ABR: variants seen among roughly 807,000 people sequenced by gnomAD.
ABR encodes ABR activator of RhoGEF and GTPase.
A neutral mutation model predicts 107.2 loss-of-function variants in ABR; 35 were observed. That is an observed-to-expected ratio of 0.33 (90% CI 0.25 to 0.43). The LOEUF is 0.43. ABR is among the 20% of genes least tolerant of loss of function. The pLI is 1.00. For synonymous variants in ABR, 498 were observed against 462.0 expected, an observed-to-expected ratio of 1.08 and a Z score of -1.00; for missense variants, 815 against 1,115.2, an observed-to-expected ratio of 0.73 and a Z score of 3.83.
upstream of ABR, among the ~76,000 whole-genome samples, chr17:1,187,736 A>G (rs1395703314): frequency 6.6e-6 from 1 of 151,588 alleles, no homozygotes; most frequent in Non-Finnish European, 1.5e-5. Flanking sequence ...CTTTAAAAAA[A>G]TACAAAAAGT....
In ABR at chr17:1,192,542, C is replaced by T. The variant is rs530540831; in HGVS notation, c.838+36251G>A. Among the ~76,000 whole-genome samples the T allele has an allele frequency of 4.8e-4, 73 of 151,802 alleles. No individual in the cohort carries two copies. In the South Asian group the frequency reaches 0.015, roughly 31 times the overall value. On this transcript the variant is annotated intron_variant, in intron 1 of 22. Coordinates refer to the ABR transcript ENST00000574139. ...CTGTAATCCCAGCATTCTGGGAGGC[C>T]GAGGTGGGCGGATCACCTGAGGCCA...
chr17:1,047,382 G>A (rs901540683), intron 16 of ABR, among the ~76,000 whole-genome samples: 1 of 152,232 alleles, frequency 6.6e-6, no homozygotes, highest in African/African-American at 2.4e-5. Context: ...AGCTCCGTGT[G>A]GACTCGTCAC....
chr17:1,194,882 A>AC (rs1233257024), intron 1 of ABR, among the ~76,000 whole-genome samples: 2,009 of 89,272 alleles, frequency 0.023, 34 homozygotes, highest in East Asian at 0.046. Flanking sequence ...CGAACTCCTG[A>AC]CTCAGGTGAT....
intron 10 of ABR, among the ~76,000 whole-genome samples, chr17:1,066,151 T>G (rs2034716166): frequency 1.3e-5 from 2 of 152,172 alleles, no homozygotes; most frequent in African/African-American, 4.8e-5. Context: ...AGTTCTGGGA[T>G]TAAAGGTGTG....
At chr17:1,149,513 G>A (rs1398358004) in intron 1 of ABR, among the ~76,000 whole-genome samples, 40 of 151,758 alleles carry the variant, frequency 2.6e-4, no homozygotes, top group Admixed American at 2.6e-3. Context: ...CACCTCCCGG[G>A]TTCAAGAGAT....
At chr17:1,015,290 A>G (rs1286849265) in intron 16 of ABR, among the ~76,000 whole-genome samples, 1 of 151,518 alleles carries the variant, frequency 6.6e-6, no homozygotes, top group Non-Finnish European at 1.5e-5. Flanking sequence ...GGTGGCGGGC[A>G]CTGTAGTCCA....
upstream of ABR, among the ~76,000 whole-genome samples, chr17:1,187,766 T>C (rs539835921): frequency 6.6e-6 from 1 of 151,292 alleles, no homozygotes; most frequent in African/African-American, 2.4e-5. Flanking sequence ...TGGTGGTGGG[T>C]GCCTGTAATC....
chr17:1,089,983 C>T (rs531933905), intron 4 of ABR, among the ~76,000 whole-genome samples: 24 of 152,268 alleles, frequency 1.6e-4, no homozygotes, highest in South Asian at 6.2e-4. Flanking sequence ...AAATGCAGTC[C>T]GTCCTCCTGG....
chr17:1,058,039 G>T lies in ABR; in HGVS notation c.1312C>A (p.Leu438Met). Reference protein sequence around the residue: ...RIHNRNGKSYLFLLSSDYERS... With the variant: ...RIHNRNGKSYMFLLSSDYERS... The stretch of plus-strand genomic sequence containing the variant: ...TCGTAGTCCGAGGACAGTAGGAACA[G>T]GTAACTCTGAAGAGAGGAGATAAGC... The change falls in exon 12 of 23, where the codon CTG (leucine) becomes ATG (methionine). Residue 438 changes from leucine (L) to methionine (M), a missense_variant. This residue lies in a region of ABR where 385 missense variants were observed against 596.9 expected (regional missense o/e 0.64). Transcript: ENST00000302538. 1 of 1,612,270 alleles carries T rather than the reference G, an allele frequency of 6.2e-7. No individual in the cohort carries two copies. Among genetic ancestry groups the T allele is most frequent in the South Asian group, 1.1e-5 (1 of 91,056 alleles).
chr17:1,044,745 C>T (rs926046205), intron 16 of ABR, among the ~76,000 whole-genome samples: 4 of 152,124 alleles, frequency 2.6e-5, no homozygotes, highest in Non-Finnish European at 5.9e-5. Context: ...TCCCCGCCAC[C>T]CCTGCTGAGG....
Position 1,004,771 on chromosome 17 carries a change from T to G in ABR, c.*1309A>C. On this transcript the variant is annotated 3_prime_UTR_variant, in exon 23 of 23. Coordinates refer to ENST00000302538, the MANE Select transcript of ABR (RefSeq NM_021962.5). Reference sequence around the variant, plus strand: ...GATTCCCCACTCTCCCCACAACTTCTGGAGTTCCCAGTGTTTACCCAAAAG... The same window carrying G: ...GATTCCCCACTCTCCCCACAACTTCGGGAGTTCCCAGTGTTTACCCAAAAG... The G allele has an allele frequency of 2.9e-6, 1 of 342,512 alleles. No homozygotes were observed. Among genetic ancestry groups the G allele is most frequent in the Non-Finnish European group, 5.3e-6 (1 of 190,250 alleles). 21.2% of individuals were successfully genotyped at this position (342,512 alleles called of 1,614,324 possible).
At chr17:1,175,365 T>C (rs2041883317) in intron 1 of ABR, among the ~76,000 whole-genome samples, 1 of 151,974 alleles carries the variant, frequency 6.6e-6, no homozygotes, top group Non-Finnish European at 1.5e-5. Flanking sequence ...TGAGCCGAGA[T>C]CGCACCGCCG....
intron 2 of ABR, among the ~76,000 whole-genome samples, chr17:1,123,049 G>C (rs1567795310): frequency 6.6e-6 from 1 of 152,192 alleles, no homozygotes; most frequent in African/African-American, 2.4e-5. Context: ...TATTAATAGT[G>C]TTTTTAACCA....
chr17:1,180,998 G>A (rs150430772), upstream of ABR, among the ~76,000 whole-genome samples: 1,930 of 152,258 alleles, frequency 0.013, 40 homozygotes, highest in African/African-American at 0.043. Flanking sequence ...CAGGGGGCCC[G>A]GTACCCCAGA....
intron 16 of ABR, among the ~76,000 whole-genome samples, chr17:1,014,409 C>T (rs2070965045): frequency 6.7e-6 from 1 of 148,748 alleles, no homozygotes; most frequent in Admixed American, 6.7e-5. Flanking sequence ...CCACTGCACT[C>T]CAGCCTGGGC....
intron 1 of ABR, among the ~76,000 whole-genome samples, chr17:1,198,846 G>C (rs2042619099): frequency 6.9e-6 from 1 of 145,282 alleles, no homozygotes; most frequent in Non-Finnish European, 1.5e-5. Context: ...TGTTAGCCAG[G>C]ATGGTTATGA....
At chr17:1,216,366 T>C (rs1234482535) in intron 1 of ABR, among the ~76,000 whole-genome samples, 1 of 151,888 alleles carries the variant, frequency 6.6e-6, no homozygotes, top group African/African-American at 2.4e-5. Context: ...CAGGAGTGAG[T>C]AGCAGAGGCA....
At chr17:1,175,420 G>C (rs1418243256) in intron 1 of ABR, among the ~76,000 whole-genome samples, 1 of 152,106 alleles carries the variant, frequency 6.6e-6, no homozygotes, top group Non-Finnish European at 1.5e-5. Context: ...TCAAAAAAAA[G>C]AGAGCCTCAG....
At chr17:1,095,064 C>T (rs555159955) in intron 3 of ABR, among the ~76,000 whole-genome samples, 26 of 152,302 alleles carry the variant, frequency 1.7e-4, no homozygotes, top group African/African-American at 5.8e-4. Flanking sequence ...CCCGCAGAGT[C>T]GCCACAGAAT....
Sources: allele counts gnomAD v4.1 joint callset (sites outside exome capture counted in the v4.1 genomes callset), GRCh38; gene constraint gnomAD v4.1.1; regional missense constraint gnomAD v4.1.1; transcripts MANE v1.5; gene names NCBI Gene and HGNC (gene_info 2026-07-23, HGNC 2026-07-21).